NFATC3: variants seen among roughly 807,000 people sequenced by gnomAD.
NFATC3 encodes nuclear factor of activated T cells 3, also known as nuclear factor of activated T-cells, cytoplasmic 3.
NFATC3 carries 46 observed loss-of-function variants against 98.6 expected under a neutral mutation model. That is an observed-to-expected ratio of 0.47 (90% CI 0.37 to 0.60). The LOEUF (loss-of-function observed/expected upper bound fraction) is 0.60. Ranked by LOEUF, NFATC3 falls within the 20% of genes least tolerant of loss-of-function variation. NFATC3 has a pLI of 0.00. For missense variants in NFATC3, 1,256 were observed against 1,295.5 expected (o/e 0.97, Z 0.47); for synonymous variants, 512 against 472.2 (o/e 1.08, Z -1.09).
intron 9 of NFATC3, among the ~76,000 whole-genome samples, chr16:68,197,480 C>T (rs948862038): frequency 6.6e-6 from 1 of 151,968 alleles, no homozygotes; most frequent in Non-Finnish European, 1.5e-5. Context: ...TAGAGCCAGG[C>T]GTGGTGGTGT....
At chr16:68,205,372 C>T (rs1362666740) in intron 9 of NFATC3, among the ~76,000 whole-genome samples, 1 of 152,054 alleles carries the variant, frequency 6.6e-6, no homozygotes, top group Non-Finnish European at 1.5e-5. Context: ...ACCTCAGCCT[C>T]CCGAGTAGCT....
chr16:68,101,237 G>A (rs1331337850), intron 1 of NFATC3, among the ~76,000 whole-genome samples: 3 of 151,718 alleles, frequency 2.0e-5, no homozygotes, highest in African/African-American at 7.3e-5. Context: ...CAACCTCCTG[G>A]GCTCAAGCTA....
chr16:68,222,071 CTT>C (rs1021980221), intron 9 of NFATC3, among the ~76,000 whole-genome samples: 21 of 151,576 alleles, frequency 1.4e-4, no homozygotes, highest in African/African-American at 5.1e-4. Flanking sequence ...AGGAGGATCA[CTT>C]GAGTCCAGGA....
At chr16:68,123,854 A>C (rs1191920541) in intron 2 of NFATC3, among the ~76,000 whole-genome samples, 1 of 151,546 alleles carries the variant, frequency 6.6e-6, no homozygotes, top group East Asian at 2.0e-4. Flanking sequence ...GTGTGGTGGC[A>C]CACACCTATA....
At chr16:68,182,927 A>T (rs1156504116) in intron 7 of NFATC3, among the ~76,000 whole-genome samples, 1 of 152,226 alleles carries the variant, frequency 6.6e-6, no homozygotes, top group African/African-American at 2.4e-5. Flanking sequence ...TACTGTTAAG[A>T]TACATAGTAA....
Position 68,122,322 on chromosome 16 carries a change from GA to G in NFATC3, c.440del (p.Asp147ValfsTer50). On this transcript the variant is annotated frameshift_variant, in exon 2 of 10. Transcript: ENST00000346183. LOFTEE classifies it high-confidence loss of function. Reference sequence around the variant, plus strand: ...GGAATTTTTGGAAAGGCCTTCTAGAGATCATCTCTATCTTCCTCTTGAGCCA... The same window carrying G: ...GGAATTTTTGGAAAGGCCTTCTAGAGTCATCTCTATCTTCCTCTTGAGCCA... ...EREFLERPSR[D>X]HLYLPLEPSY... 1 of 1,614,100 alleles carries G rather than the reference GA, an allele frequency of 6.2e-7. No homozygotes were observed. The highest frequency in any genetic ancestry group is 8.5e-7 in the Non-Finnish European group (1 of 1,180,014).
rs1345657773 is a variant in NFATC3 at position 68,228,304 on chromosome 16, G to A, written c.*1833G>A. ...AGTGAGATTTGCTTCTGGGCCTGTG[G>A]TTGGACGCCCACAGCTTCCTTTGGA... On this transcript the variant is annotated 3_prime_UTR_variant, in exon 10 of 10. Transcript: ENST00000346183. 6.6e-6 allele frequency: 1 copy of A among 152,140 alleles called. No individual in the cohort carries two copies. Among genetic ancestry groups the A allele is most frequent in the South Asian group, 2.1e-4 (1 of 4,820 alleles). 9.4% of individuals were successfully genotyped at this position (152,140 alleles called of 1,614,324 possible). A position where few individuals can be genotyped will look rare whatever the true frequency, so the allele number is the denominator to read the frequency against.
Position 68,183,278 on chromosome 16 carries a change from A to C in NFATC3, c.2010A>C (p.Pro670=). 6.2e-7 allele frequency: 1 copy of C among 1,605,984 alleles called. No homozygotes were observed. The highest frequency in any genetic ancestry group is 8.5e-7 in the Non-Finnish European group (1 of 1,177,750). ...TTGAAGTTCCTCCATATCATAACCC[A>C]GCAGTTACAGCTGCAGTGCAGGTGC... ...IVLEVPPYHN[P]AVTAAVQVHF... is the part of the protein sequence containing the mutation. Residue 670 remains proline (P), a synonymous_variant, in exon 8 of 10, where the codon CCA becomes CCC. Transcript: ENST00000346183.
intron 4 of NFATC3, among the ~76,000 whole-genome samples, chr16:68,163,497 A>AC (rs1218382254): frequency 1.4e-4 from 17 of 118,960 alleles, no homozygotes; most frequent in Admixed American, 3.5e-4. Context: ...CGGGGGGCTG[A>AC]CCCCCCCACT....
At chr16:68,136,012 G>A (rs902652912) in intron 3 of NFATC3, among the ~76,000 whole-genome samples, 1 of 151,934 alleles carries the variant, frequency 6.6e-6, no homozygotes, top group Non-Finnish European at 1.5e-5. Context: ...GCAGTGAGCC[G>A]AGATCGCGTC....
intron 8 of NFATC3, among the ~76,000 whole-genome samples, chr16:68,188,423 C>T (rs1354857302): frequency 6.6e-6 from 1 of 152,206 alleles, no homozygotes; most frequent in Admixed American, 6.5e-5. Flanking sequence ...TGCAAGGCTC[C>T]CGCCCTGCCA....
At chr16:68,177,993 T>C (rs1182974877) in intron 6 of NFATC3, among the ~76,000 whole-genome samples, 1 of 152,204 alleles carries the variant, frequency 6.6e-6, no homozygotes, top group Non-Finnish European at 1.5e-5. Flanking sequence ...GCTTTGTTGT[T>C]ATCTGGTTCT....
At chr16:68,125,628 G>A (rs2151508647) in intron 2 of NFATC3, among the ~76,000 whole-genome samples, 1 of 152,292 alleles carries the variant, frequency 6.6e-6, no homozygotes, top group African/African-American at 2.4e-5. Flanking sequence ...CTGACATCCA[G>A]AGATATGTAC....
intron 4 of NFATC3, among the ~76,000 whole-genome samples, chr16:68,163,403 G>T (rs1404103929): frequency 6.6e-6 from 1 of 151,302 alleles, no homozygotes; most frequent in East Asian, 2.0e-4. Flanking sequence ...GGGGCGGCTG[G>T]CCGGGCAGAG....
chr16:68,090,295 AC>A (rs11351556), intron 1 of NFATC3, among the ~76,000 whole-genome samples: 83,490 of 110,964 alleles, frequency 0.75, 30,440 homozygotes, highest in East Asian at 0.89. Context: ...TAAACACGCA[AC>A]CCCCCCCCCC....
At chr16:68,099,810 G>T (rs990235052) in intron 1 of NFATC3, among the ~76,000 whole-genome samples, 4 of 151,678 alleles carry the variant, frequency 2.6e-5, no homozygotes, top group African/African-American at 9.7e-5. Context: ...GACTTTTTTG[G>T]GGGAGGGCAG....
rs142328974 is a variant in NFATC3, at chr16:68,127,982, T to G, written c.1401+1372T>G. Among the ~76,000 whole-genome samples the G allele has an allele frequency of 6.1e-4, 93 of 152,278 alleles. 1 individual carries two copies. Among genetic ancestry groups the G allele is most frequent in the Admixed American group, 5.2e-3 (80 of 15,288 alleles). On this transcript the variant is annotated intron_variant, in intron 3 of 9. Coordinates refer to ENST00000346183, the MANE Select transcript of NFATC3 (RefSeq NM_173165.3). ...TAGATTCAATGCTCACTACTACTAC[T>G]TTTTTATTTCATTAAGTTTTTTTTT...
At chr16:68,137,773 C>T (rs2037512523) in intron 3 of NFATC3, among the ~76,000 whole-genome samples, 1 of 151,938 alleles carries the variant, frequency 6.6e-6, no homozygotes, top group African/African-American at 2.4e-5. Flanking sequence ...GCCACCACGC[C>T]CAGCTAATTT....
rs572849663 is a variant in NFATC3 at position 68,190,659 on chromosome 16, T to C, written c.2099-109T>C. The C allele has an allele frequency of 5.3e-6, 6 of 1,130,118 alleles. No homozygotes were observed. In the South Asian group the frequency reaches 7.9e-5, roughly 15 times the overall value. 70.0% of individuals were successfully genotyped at this position (1,130,118 alleles called of 1,614,324 possible). On this transcript the variant is annotated intron_variant, in intron 8 of 9. Transcript: ENST00000346183. ...TATATGAACTGCCTTCCTTGGCATT[T>C]GAGTTTGCCCCTCAGCTTACGCTGT...
Sources: allele counts gnomAD v4.1 joint callset (sites outside exome capture counted in the v4.1 genomes callset), GRCh38; gene constraint gnomAD v4.1.1; transcripts MANE v1.5; gene names NCBI Gene and HGNC (gene_info 2026-07-23, HGNC 2026-07-21).